The following NOTCH2 variants were observed in gnomAD, a reference collection of about 807,000 sequenced individuals.
NOTCH2 encodes neurogenic locus notch homolog protein 2.
NOTCH2 carries 29 observed loss-of-function variants against 235.8 expected under a neutral mutation model. The observed-to-expected ratio is 0.12, with a 90% CI of 0.09 to 0.17. The LOEUF is 0.17. NOTCH2 is among the 10% of genes least tolerant of loss of function. NOTCH2 has a pLI of 1.00. For missense variants in NOTCH2, 2,285 were observed against 3,150.2 expected (o/e 0.73, Z 6.57); for synonymous variants, 1,086 against 1,141.5 (o/e 0.95, Z 0.98).
rs782295851 is a variant in NOTCH2 at position 120,005,372 on chromosome 1, G to A, written c.372C>T (p.Leu124=). ...PCLNGGTCHM[L]SRDTYECTCQ... is the part of the protein sequence containing the mutation. ...AGGTGCACTCATAGGTATCCCGGCT[G>A]AGCATATGGCATGTGCCGCCATTCA... Residue 124 remains leucine (L), a synonymous_variant, in exon 3 of 34, where the codon CTC becomes CTT. Transcript: ENST00000256646. 43 of 1,613,946 alleles carry A rather than the reference G, an allele frequency of 2.7e-5. No individual in the cohort carries two copies. The highest frequency in any genetic ancestry group is 2.2e-5 in the Non-Finnish European group (26 of 1,179,886).
Position 119,955,081 on chromosome 1 carries a change from G to T in NOTCH2, c.2178C>A (p.Ser726Arg). 1 of 1,614,104 alleles carries T rather than the reference G, an allele frequency of 6.2e-7. No individual in the cohort carries two copies. Among genetic ancestry groups the T allele is most frequent in the Non-Finnish European group, 8.5e-7 (1 of 1,179,998 alleles). Residue 726 changes from serine to arginine, a missense_variant, in exon 13 of 34, where the codon AGC (serine) becomes AGA (arginine). Coordinates refer to ENST00000256646, the MANE Select transcript of NOTCH2 (RefSeq NM_024408.4). ...TACAGTTTCCATGGATGCAGGGATT[G>T]CTCAGGCATTCGTTCACCTGTGAGT... ...SCYSQVNECL[S>R]NPCIHGNCTG...
chr1:119,937,496 TAGA>T, intron 20 of NOTCH2, 30 bp from the exon 21 acceptor site: 2 of 1,600,150 alleles, frequency 1.2e-6, no homozygotes, highest in Non-Finnish European at 1.7e-6. Flanking sequence ...AGAAATGTCA[TAGA>T]AGAACATGTG....
At chr1:120,028,842 A>G (rs369185090) in intron 2 of NOTCH2, among the ~76,000 whole-genome samples, 2 of 150,216 alleles carry the variant, frequency 1.3e-5, no homozygotes, top group Non-Finnish European at 3.0e-5. Flanking sequence ...TTTCTCCAGC[A>G]TCTTCCCTGA....
chr1:120,067,547 G>A (rs587739864), intron 1 of NOTCH2, among the ~76,000 whole-genome samples: 1 of 152,200 alleles, frequency 6.6e-6, no homozygotes, highest in African/African-American at 2.4e-5. Flanking sequence ...ATTCTCTAAA[G>A]CAGGTTATTC....
chr1:119,977,506 C>A (rs587657970), intron 5 of NOTCH2, among the ~76,000 whole-genome samples: 2 of 152,184 alleles, frequency 1.3e-5, no homozygotes, highest in Admixed American at 6.5e-5. Context: ...CAGCCCTCTG[C>A]GGTAGAGCTC....
chr1:119,960,726 A>G (rs1553198898), intron 11 of NOTCH2, among the ~76,000 whole-genome samples: 2 of 151,740 alleles, frequency 1.3e-5, no homozygotes, highest in Admixed American at 6.6e-5. Flanking sequence ...CAGACTGGAG[A>G]GCAATGACAC....
chr1:120,025,235 G>A (rs1440700293), intron 2 of NOTCH2, among the ~76,000 whole-genome samples: 1 of 149,258 alleles, frequency 6.7e-6, no homozygotes, highest in Non-Finnish European at 1.5e-5. Context: ...GACTATGCAT[G>A]AGCAAGATAA....
intron 26 of NOTCH2, among the ~76,000 whole-genome samples, chr1:119,923,211 G>A (rs1352259281): frequency 6.6e-6 from 1 of 152,186 alleles, no homozygotes; most frequent in African/African-American, 2.4e-5. Context: ...CTGGAGGGTT[G>A]AAAGTTTGAC....
Position 119,920,367 on chromosome 1 carries a change from C to A in NOTCH2, c.5341G>T (p.Asp1781Tyr). The A allele has an allele frequency of 6.2e-7, 1 of 1,614,202 alleles. No individual in the cohort carries two copies. The highest frequency in any genetic ancestry group is 8.5e-7 in the Non-Finnish European group (1 of 1,180,040). The change falls in exon 30 of 34, where the codon GAT (aspartate) becomes TAT (tyrosine). Residue 1781 changes from aspartate to tyrosine, a missense_variant. Transcript: ENST00000256646. ...CATGGCCGTCGATCAATGGGGTCATCTTCTTCTGAGAGTAAGGCCTCATCT... is the reference window on the plus strand; with the variant it reads ...CATGGCCGTCGATCAATGGGGTCATATTCTTCTGAGAGTAAGGCCTCATCT... ...AEDEALLSEEDDPIDRRPWTQ... is the reference protein window; with the variant it reads ...AEDEALLSEEYDPIDRRPWTQ...
chr1:120,037,097 C>T (rs1369129202), intron 1 of NOTCH2, among the ~76,000 whole-genome samples: 8 of 152,170 alleles, frequency 5.3e-5, no homozygotes, highest in African/African-American at 1.4e-4. Flanking sequence ...AAGCCTCTGT[C>T]GTCTATCTCA....
Position 119,913,272 on chromosome 1 carries a change from T to C in NOTCH2, c.*2034A>G, listed in dbSNP as rs1042551270. Reference sequence around the variant, plus strand: ...TCAGGGCAGAAGTAATTATTTTTGTTGGTTCAATAAATTTGGATAGGACTG... The same window carrying C: ...TCAGGGCAGAAGTAATTATTTTTGTCGGTTCAATAAATTTGGATAGGACTG... On this transcript the variant is annotated 3_prime_UTR_variant, in exon 34 of 34. Coordinates refer to ENST00000256646, the MANE Select transcript of NOTCH2 (RefSeq NM_024408.4). 4.3e-6 allele frequency: 1 copy of C among 233,186 alleles called. No individual in the cohort carries two copies. Among genetic ancestry groups the C allele is most frequent in the Non-Finnish European group, 8.5e-6 (1 of 118,064 alleles). The allele number at this position is 233,186 out of a possible 1,614,324, so 14.4% of individuals were successfully genotyped here. A position where few individuals can be genotyped will look rare whatever the true frequency, so the allele number is the denominator to read the frequency against.
At chr1:119,989,209 A>G (rs1553202575) in intron 4 of NOTCH2, among the ~76,000 whole-genome samples, 2 of 152,180 alleles carry the variant, frequency 1.3e-5, no homozygotes, top group Admixed American at 6.5e-5. Flanking sequence ...ACCCACCTTA[A>G]ATGGTTATTG....
chr1:119,931,120 AG>A (rs1553195051), intron 22 of NOTCH2, among the ~76,000 whole-genome samples: 2 of 150,634 alleles, frequency 1.3e-5, no homozygotes, highest in Non-Finnish European at 1.5e-5. Context: ...AAAAAAAAAA[AG>A]GTACAAAAGA....
chr1:120,023,308 G>A (rs1451671497), intron 2 of NOTCH2, among the ~76,000 whole-genome samples: 2 of 150,958 alleles, frequency 1.3e-5, no homozygotes, highest in Non-Finnish European at 2.9e-5. Context: ...GTGGTGGCGG[G>A]CGCTTGTAGT....
At chr1:119,972,365 G>GCTA (rs1553200472) in intron 5 of NOTCH2, among the ~76,000 whole-genome samples, 1 of 152,114 alleles carries the variant, frequency 6.6e-6, no homozygotes, top group Non-Finnish European at 1.5e-5. Flanking sequence ...TAGGTGAAGA[G>GCTA]CTACTGCAAC....
In NOTCH2 at chr1:119,942,369, G is replaced by C. The variant is rs1367066173; in HGVS notation, c.2753-615C>G. On this transcript the variant is annotated intron_variant, in intron 17 of 33. Coordinates refer to ENST00000256646, the MANE Select transcript of NOTCH2 (RefSeq NM_024408.4). ...CTACAATTATATGCCATACAAATCA[G>C]AACAAGAAAAATAAGCTGTAGCTAT... 3.9e-5 allele frequency among the ~76,000 whole-genome samples: 6 copies of C among 152,134 alleles called. No individual in the cohort carries two copies. In the East Asian group the frequency reaches 1.2e-3, roughly 29 times the overall value.
In NOTCH2 at chr1:120,000,387, A is replaced by C. The variant is rs587681127; in HGVS notation, c.416-3055T>G. Among the ~76,000 whole-genome samples, 339 of 151,666 alleles carry C rather than the reference A, an allele frequency of 2.2e-3. No homozygotes were observed. In the Middle Eastern group the frequency reaches 0.024, roughly 11 times the overall value. On this transcript the variant is annotated intron_variant, in intron 3 of 33. Coordinates refer to ENST00000256646, the MANE Select transcript of NOTCH2 (RefSeq NM_024408.4). ...CATCTCTACTAAAAATACAAAAATT[A>C]GCCGGGCATGGCGGTAGGTGCCTGT... is the stretch of plus-strand genomic sequence containing the variant.
Position 119,916,262 on chromosome 1 carries a change from G to C in NOTCH2, c.6460C>G (p.Leu2154Val), listed in dbSNP as rs1427819183. 3.7e-6 allele frequency: 6 copies of C among 1,614,088 alleles called. No homozygotes were observed. Among genetic ancestry groups the C allele is most frequent in the Non-Finnish European group, 4.2e-6 (5 of 1,180,024 alleles). Residue 2154 changes from leucine (L) to valine (V), a missense_variant, in exon 34 of 34, where the codon CTA (leucine) becomes GTA (valine). Physicochemically the swap from Leu to Val is conservative, Grantham distance 32. Around this residue, in one of 6 missense-constraint regions of NOTCH2, gnomAD observed 504 missense variants for 538.0 expected, o/e 0.94. Transcript: ENST00000256646. ...GAAACATACGTGTGAGGAGATTCTA[G>C]GGAATCAACAGGGGATAAAGTTACT... ...SSVTLSPVDS[L>V]ESPHTYVSDT...
intron 1 of NOTCH2, among the ~76,000 whole-genome samples, chr1:120,063,191 C>T (rs1302316640): frequency 6.6e-6 from 1 of 151,902 alleles, no homozygotes; most frequent in East Asian, 1.9e-4. Flanking sequence ...CTCAAGAAGC[C>T]CTAGATTCCT....
Sources: gnomAD v4.1 joint callset for allele counts (sites outside exome capture counted in the v4.1 genomes callset) on GRCh38, gnomAD v4.1.1 for gene constraint, gnomAD v4.1.1 regional missense constraint, MANE v1.5 for transcripts, NCBI Gene and HGNC (gene_info 2026-07-23, HGNC 2026-07-21) for gene names.